The following MACF1 variants were observed in gnomAD, a reference collection of about 807,000 sequenced individuals.
The protein encoded by MACF1 is microtubule actin crosslinking factor 1, also known as microtubule-actin cross-linking factor 1.
Under a neutral mutation model 854.8 loss-of-function variants are expected in MACF1, and 193 were observed. The ratio of observed to expected loss-of-function variants is 0.23; its 90% CI spans 0.20 to 0.25. MACF1 has a LOEUF of 0.25. Among genes scored for constraint, MACF1 ranks in the 10% least tolerant of loss-of-function variants. The pLI, the probability that MACF1 is intolerant of heterozygous loss-of-function variation, is 1.00. For missense variants in MACF1, 7,722 were observed against 8,929.1 expected, an observed-to-expected ratio of 0.86 and a Z score of 5.45; for synonymous variants, 3,185 against 3,226.7, an observed-to-expected ratio of 0.99 and a Z score of 0.44.
At chr1:39,436,529 TA>T (rs150372196) in intron 70 of MACF1, 19,617 of 1,601,924 alleles carry the variant, frequency 0.012, 137 homozygotes, top group African/African-American at 0.02. Flanking sequence ...GGTGTTCTTA[TA>T]ATGCTGAAAA....
chr1:39,309,000 A>C (rs1223408639), intron 23 of MACF1, among the ~76,000 whole-genome samples: 1 of 152,168 alleles, frequency 6.6e-6, no homozygotes, highest in African/African-American at 2.4e-5. Context: ...ATTTCTCAAC[A>C]TTTTAGCATT....
At chr1:39,371,795 G>A (rs1013392637) in intron 51 of MACF1, among the ~76,000 whole-genome samples, 2 of 149,360 alleles carry the variant, frequency 1.3e-5, no homozygotes, top group Admixed American at 1.3e-4. Context: ...TGTCCATCTG[G>A]CAAACTCTTA....
intron 2 of MACF1, among the ~76,000 whole-genome samples, chr1:39,232,765 T>TGTTTG (rs1553174863): frequency 7.2e-6 from 1 of 138,178 alleles, no homozygotes. Context: ...TTTTTTTTTT[T>TGTTTG]TTTGTTTGTT....
intron 48 of MACF1, 65 bp downstream of exon 48, chr1:39,361,066 G>T: frequency 7.3e-7 from 1 of 1,377,440 alleles, no homozygotes. Flanking sequence ...ATTACATAAT[G>T]TTGAAAAAGT....
intron 2 of MACF1, among the ~76,000 whole-genome samples, chr1:39,126,833 G>A (rs950684791): frequency 5.3e-5 from 8 of 151,886 alleles, no homozygotes; most frequent in Non-Finnish European, 1.2e-4. Flanking sequence ...CAAAACAAAT[G>A]GTTTAGTCAC....
intron 2 of MACF1, among the ~76,000 whole-genome samples, chr1:39,190,009 C>T (rs1325377871): frequency 6.6e-6 from 1 of 152,100 alleles, no homozygotes; most frequent in African/African-American, 2.4e-5. Context: ...AATGAGTAAA[C>T]AGATCCAGTG....
Position 39,429,969 on chromosome 1 carries a change from A to G in MACF1, c.17031A>G (p.Glu5677=), listed in dbSNP as rs1163504849. ...CCAAGTTCCAGTCTACTTATGAGGA[A>G]CTGACCGGGTGGCTGAGGGAGGTGG... The part of the protein sequence containing the change: ...LATKFQSTYE[E]LTGWLREVEE... The change falls in exon 65 of 101, where the codon GAA becomes GAG. Residue 5677 remains glutamate (E), a synonymous_variant. Transcript: ENST00000564288. 1.2e-6 allele frequency: 2 copies of G among 1,613,962 alleles called. No individual in the cohort carries two copies. The highest frequency in any genetic ancestry group is 1.7e-5 in the Admixed American group (1 of 59,976).
chr1:39,484,712 G>A lies in MACF1; in HGVS notation c.22393G>A (p.Ala7465Thr), dbSNP rs757792340. Residue 7465 changes from alanine (A) to threonine (T), a missense_variant, in exon 100 of 101, where the codon GCC (alanine) becomes ACC (threonine). Ala to Thr is a moderately conservative substitution (Grantham distance 58). Around this residue, in one of 15 missense-constraint regions of MACF1, gnomAD observed 185 missense variants for 225.7 expected, o/e 0.82. Transcript: ENST00000564288. ...TAGTTCTTCCCCGGCCTCCACAGGT[G>A]CCAAAACTAATCGGGCAGGTAAGTA... ...SNSSSPASTGAKTNRADPKKS... is the reference protein window; with the variant it reads ...SNSSSPASTGTKTNRADPKKS... The A allele has an allele frequency of 9.9e-6, 16 of 1,614,192 alleles. No individual in the cohort carries two copies. The South Asian group carries it at 1.8e-4, about 18-fold the overall frequency.
chr1:39,430,760 G>A lies in MACF1; in HGVS notation c.17189G>A (p.Ser5730Asn), dbSNP rs1256827420. Residue 5730 changes from serine (S) to asparagine (N), a missense_variant, in exon 66 of 101, where the codon AGC (serine) becomes AAC (asparagine). By Grantham distance (46) the Ser-to-Asn change is conservative. Around this residue, in one of 15 missense-constraint regions of MACF1, gnomAD observed 2,807 missense variants for 3,235.8 expected, o/e 0.87. Transcript: ENST00000564288. ...GTGTTGGACACAGTGAATGAGGTGAGCCGTGCTCTCTTAGAGCTGGTGCCC... is the reference window on the plus strand; with the variant it reads ...GTGTTGGACACAGTGAATGAGGTGAACCGTGCTCTCTTAGAGCTGGTGCCC... ...RLVLDTVNEVSRALLELVPWR... is the reference protein window; with the variant it reads ...RLVLDTVNEVNRALLELVPWR... 6.2e-7 allele frequency: 1 copy of A among 1,612,326 alleles called. No homozygotes were observed. Among genetic ancestry groups the A allele is most frequent in the East Asian group, 2.2e-5 (1 of 44,884 alleles).
intron 50 of MACF1, 149 bp from the exon 51 acceptor site, chr1:39,369,881 T>G (rs778814506): frequency 4.5e-6 from 3 of 673,962 alleles, no homozygotes; most frequent in Admixed American, 3.0e-5. Context: ...TATATGCGGT[T>G]GTTCAGCCAA....
chr1:39,359,220 A>G lies in MACF1; in HGVS notation c.12200A>G (p.Glu4067Gly), dbSNP rs756110298. Residue 4067 changes from glutamate (E) to glycine (G), a missense_variant, in exon 47 of 101, where the codon GAA becomes GGA. By Grantham distance (98) the Glu-to-Gly change is moderately conservative. Transcript: ENST00000564288. ...QKVARDIMEIEGEPAPDHRHV... is the reference protein window; with the variant it reads ...QKVARDIMEIGGEPAPDHRHV... ...GTAGCTCGTGACATAATGGAAATTG[A>G]AGGGGAGCCAGCCCCAGACCACAGG... 5 of 1,614,184 alleles carry G rather than the reference A, an allele frequency of 3.1e-6. No homozygotes were observed. The South Asian group carries it at 4.4e-5, about 14-fold the overall frequency.
intron 2 of MACF1, among the ~76,000 whole-genome samples, chr1:39,196,605 ATATT>A (rs1571161367): frequency 6.6e-6 from 1 of 152,106 alleles, no homozygotes; most frequent in East Asian, 1.9e-4. Context: ...AATCTTAGGT[ATATT>A]TATTGTATTT....
At chr1:39,123,515 A>G (rs1642774614) in intron 2 of MACF1, among the ~76,000 whole-genome samples, 1 of 150,862 alleles carries the variant, frequency 6.6e-6, no homozygotes, top group Non-Finnish European at 1.5e-5. Flanking sequence ...GCCTGAATCA[A>G]TTTTAATTTT....
upstream of MACF1, chr1:39,204,224 A>G (rs944962028): frequency 6.6e-6 from 1 of 152,216 alleles, no homozygotes; most frequent in Non-Finnish European, 1.5e-5. Flanking sequence ...CAGTGAACTG[A>G]TATCGTGCCT....
At chr1:39,097,023 C>G (rs1454226944) in intron 2 of MACF1, among the ~76,000 whole-genome samples, 1 of 151,814 alleles carries the variant, frequency 6.6e-6, no homozygotes, top group African/African-American at 2.4e-5. Context: ...ATTACAGGTG[C>G]CCACCACCAC....
chr1:39,243,649 T>C (rs1644949556), intron 2 of MACF1, among the ~76,000 whole-genome samples: 2 of 152,206 alleles, frequency 1.3e-5, no homozygotes, highest in Non-Finnish European at 1.5e-5. Flanking sequence ...GTAATCTTCC[T>C]GTCTTGGCCT....
In MACF1 at chr1:39,448,677, G is replaced by A. The variant is rs1644275420; in HGVS notation, c.20172G>A (p.Leu6724=). The A allele has an allele frequency of 6.2e-7, 1 of 1,613,404 alleles. No homozygotes were observed. Among genetic ancestry groups the A allele is most frequent in the Admixed American group, 1.7e-5 (1 of 59,990 alleles). The change falls in exon 84 of 101, where the codon TTG becomes TTA. Residue 6724 remains leucine, a synonymous_variant. Transcript: ENST00000564288. ...RTGRALKEKT[L]LPEDSQKLDN... ...GCAGAGCACTGAAAGAAAAGACTTT[G>A]CTTCCCGAAGATAGTCAGAAACTTG...
At chr1:39,202,082 T>G (rs1245553499), upstream of MACF1, among the ~76,000 whole-genome samples, 1 of 140,424 alleles carries the variant, frequency 7.1e-6, no homozygotes, top group East Asian at 2.3e-4. Flanking sequence ...TTCTCCTGCC[T>G]CAGCCTCCCA....
chr1:39,356,585 A>G (rs1647593134), intron 44 of MACF1, among the ~76,000 whole-genome samples: 1 of 152,116 alleles, frequency 6.6e-6, no homozygotes, highest in Non-Finnish European at 1.5e-5. Flanking sequence ...ATTGGCCAGG[A>G]TGGTCTCAAT....
Sources: allele counts gnomAD v4.1 joint callset (sites outside exome capture counted in the v4.1 genomes callset), GRCh38; gene constraint gnomAD v4.1.1; regional missense constraint gnomAD v4.1.1; transcripts MANE v1.5; gene names NCBI Gene and HGNC (gene_info 2026-07-23, HGNC 2026-07-21).